Variants in ADNP observed in about 807,000 individuals in gnomAD.
ADNP encodes the protein activity-dependent neuroprotector homeobox protein.
A neutral mutation model predicts 84.9 loss-of-function variants in ADNP; 4 were observed. The observed-to-expected ratio is 0.05, with a 90% CI of 0.02 to 0.11. The LOEUF is 0.11. ADNP is among the 10% of genes least tolerant of loss of function. The pLI is 1.00. For synonymous variants in ADNP, 554 were observed against 468.1 expected, an observed-to-expected ratio of 1.18 and a Z score of -2.37; for missense variants, 1,132 against 1,326.0, an observed-to-expected ratio of 0.85 and a Z score of 2.27.
rs1271017169 is a variant in ADNP, at chr20:50,890,844, G to C, written c.*561C>G. On this transcript the variant is annotated 3_prime_UTR_variant, in exon 6 of 6. Transcript: ENST00000621696. Reference sequence around the variant, plus strand: ...GCTTTTGCTAGGTAAACTAGATAGAGCGTTTATTACACAGCAAGGGCAACA... The same window carrying C: ...GCTTTTGCTAGGTAAACTAGATAGACCGTTTATTACACAGCAAGGGCAACA... The C allele has an allele frequency of 9.2e-6, 8 of 873,544 alleles. No homozygotes were observed. Among genetic ancestry groups the C allele is most frequent in the Non-Finnish European group, 9.6e-6 (7 of 728,016 alleles). 54.1% of individuals were successfully genotyped at this position (873,544 alleles called of 1,614,324 possible). A position where few individuals can be genotyped will look rare whatever the true frequency, so the allele number is the denominator to read the frequency against.
At chr20:50,899,418 C>A (rs1981736008) in intron 5 of ADNP, among the ~76,000 whole-genome samples, 1 of 152,052 alleles carries the variant, frequency 6.6e-6, no homozygotes, top group African/African-American at 2.4e-5. Flanking sequence ...ACCATGTTGG[C>A]CAGGCTGGTC....
At chr20:50,899,934 C>T (rs1012198399) in intron 5 of ADNP, among the ~76,000 whole-genome samples, 3 of 146,720 alleles carry the variant, frequency 2.0e-5, no homozygotes, top group African/African-American at 5.2e-5. Flanking sequence ...ACAAAGCTTC[C>T]GCAGTGTGGA....
chr20:50,903,827 GAC>G, intron 4 of ADNP, 60 bp downstream of exon 4: 2 of 1,299,918 alleles, frequency 1.5e-6, no homozygotes, highest in Non-Finnish European at 2.2e-6. Context: ...CTTGGCCACT[GAC>G]ACAAAGTAAT....
At chr20:50,923,160 A>C (rs987582449) in intron 2 of ADNP, among the ~76,000 whole-genome samples, 2 of 152,216 alleles carry the variant, frequency 1.3e-5, no homozygotes, top group Admixed American at 6.5e-5. Context: ...ATGTATCACA[A>C]CACCACAAGA....
chr20:50,929,717 AT>A (rs57226720), intron 1 of ADNP, among the ~76,000 whole-genome samples: 1,733 of 147,266 alleles, frequency 0.012, 10 homozygotes, highest in South Asian at 0.026. Flanking sequence ...TATCCAAGAG[AT>A]TTTTTTTTTT....
chr20:50,894,865 C>T (rs2122767830), intron 5 of ADNP, among the ~76,000 whole-genome samples: 1 of 152,214 alleles, frequency 6.6e-6, no homozygotes, highest in East Asian at 1.9e-4. Flanking sequence ...CCATTGCACT[C>T]CAGCCTGGGC....
chr20:50,894,140 C>T lies in ADNP; in HGVS notation c.574G>A (p.Val192Met), dbSNP rs1180329919. The change falls in exon 6 of 6, where the codon GTG (valine) becomes ATG (methionine). Residue 192 changes from valine to methionine, a missense_variant. By Grantham distance (21) the Val-to-Met change is conservative (BLOSUM62 1). Transcript: ENST00000621696. ...GCCTTTGCTATGTAAGGTGCTGCCA[C>T]ATGCTGAAAATGTTCCCTGTAAATG... ...KHIYREHFQHVAAPYIAKAGE... is the reference protein window; with the variant it reads ...KHIYREHFQHMAAPYIAKAGE... 2 of 1,614,072 alleles carry T rather than the reference C, an allele frequency of 1.2e-6. No homozygotes were observed. The highest frequency in any genetic ancestry group is 1.7e-6 in the Non-Finnish European group (2 of 1,180,034).
intron 4 of ADNP, 41 bp downstream of exon 4, chr20:50,903,848 A>G (rs1340925291): frequency 1.4e-6 from 2 of 1,462,870 alleles, no homozygotes; most frequent in Non-Finnish European, 1.9e-6. Context: ...ATGGATCAGA[A>G]GCTGAGTCAT....
At chr20:50,902,930 C>T (rs568526689) in intron 4 of ADNP, among the ~76,000 whole-genome samples, 34 of 152,304 alleles carry the variant, frequency 2.2e-4, no homozygotes, top group Non-Finnish European at 4.1e-4. Flanking sequence ...CTTGGAACAA[C>T]GTGACTAGAG....
intron 2 of ADNP, among the ~76,000 whole-genome samples, chr20:50,928,300 T>C (rs1015024656): frequency 2.0e-5 from 3 of 152,352 alleles, no homozygotes; most frequent in African/African-American, 7.2e-5. Flanking sequence ...AACAAGTTCA[T>C]GGAAAACCAT....
At chr20:50,908,557 G>T (rs903922589) in intron 2 of ADNP, among the ~76,000 whole-genome samples, 3 of 151,754 alleles carry the variant, frequency 2.0e-5, no homozygotes, top group African/African-American at 7.3e-5. Context: ...GGCGAGTCAC[G>T]AGGTCAGGAG....
At chr20:50,921,854 G>A (rs1251971788) in intron 2 of ADNP, among the ~76,000 whole-genome samples, 1 of 152,174 alleles carries the variant, frequency 6.6e-6, no homozygotes, top group Non-Finnish European at 1.5e-5. Flanking sequence ...AAAACAGACT[G>A]AGGATACTTT....
At position 50,893,488 on chromosome 20, in the gene ADNP, G is replaced by A. The variant is rs1981026864; in HGVS notation, c.1226C>T (p.Ser409Phe). Reference protein sequence around the residue: ...ASSLSSGQLKSPSLSQSQASR... With the variant: ...ASSLSSGQLKFPSLSQSQASR... Reference sequence around the variant, plus strand: ...TGCCTGTGACTGAGAGAGGGAAGGAGACTTTAACTGGCCCGATGAGAGAGA... The same window carrying A: ...TGCCTGTGACTGAGAGAGGGAAGGAAACTTTAACTGGCCCGATGAGAGAGA... Residue 409 changes from serine to phenylalanine, a missense_variant, in exon 6 of 6, where the codon TCT (serine) becomes TTT (phenylalanine). Coordinates refer to ENST00000621696, the MANE Select transcript of ADNP (RefSeq NM_001282531.3). The surrounding 1 kb of genome is among the most constrained non-coding windows in gnomAD (Gnocchi z 4.4). 4 of 1,613,778 alleles carry A rather than the reference G, an allele frequency of 2.5e-6. No individual in the cohort carries two copies. Among genetic ancestry groups the A allele is most frequent in the East Asian group, 4.5e-5 (2 of 44,892 alleles).
intron 4 of ADNP, among the ~76,000 whole-genome samples, chr20:50,903,412 GACA>G (rs760502804): frequency 1.3e-5 from 2 of 152,178 alleles, no homozygotes; most frequent in Non-Finnish European, 2.9e-5. Context: ...TAAGGAAAGA[GACA>G]ACAAGCACCC....
In ADNP at chr20:50,919,287, A is replaced by ACATATATATATATATATATATAT. The variant is rs776823194; in HGVS notation, c.-90+9363_-90+9364insATATATATATATATATATATATG. On this transcript the variant is annotated intron_variant, in intron 2 of 5. Transcript: ENST00000621696. ...CCAGCCTGAAAAAATACATATATTT[A>ACATATATATATATATATATATAT]AGTGTATATATATATATATATATAT... Among the ~76,000 whole-genome samples, 34 of 128,050 alleles carry ACATATATATATATATATATATAT rather than the reference A, an allele frequency of 2.7e-4. 1 individual carries two copies. The highest frequency in any genetic ancestry group is 1.6e-3 in the East Asian group (7 of 4,458). 84.0% of individuals were successfully genotyped at this position (128,050 alleles called of 152,430 possible).
At chr20:50,924,596 A>C (rs1984166535) in intron 2 of ADNP, among the ~76,000 whole-genome samples, 1 of 152,212 alleles carries the variant, frequency 6.6e-6, no homozygotes, top group Non-Finnish European at 1.5e-5. Flanking sequence ...GAAAATTGGG[A>C]ATAGTTTATA....
At chr20:50,917,137 T>C (rs1983569330) in intron 2 of ADNP, among the ~76,000 whole-genome samples, 1 of 152,210 alleles carries the variant, frequency 6.6e-6, no homozygotes, top group African/African-American at 2.4e-5. Context: ...TCACTACCCA[T>C]GCAGACCAAA....
intron 2 of ADNP, among the ~76,000 whole-genome samples, chr20:50,923,402 T>C (rs1446986764): frequency 6.6e-6 from 1 of 152,244 alleles, no homozygotes; most frequent in Non-Finnish European, 1.5e-5. Context: ...GGATCAAGGC[T>C]TCACCGAAGG....
intron 2 of ADNP, among the ~76,000 whole-genome samples, chr20:50,919,927 G>A (rs1259785045): frequency 2.0e-5 from 3 of 152,236 alleles, no homozygotes; most frequent in Non-Finnish European, 2.9e-5. Flanking sequence ...GGTAGGCACC[G>A]AGGAGATGCT....
Sources: gnomAD v4.1 joint callset for allele counts (sites outside exome capture counted in the v4.1 genomes callset) on GRCh38, gnomAD v4.1.1 for gene constraint, Gnocchi (gnomAD v3.1) non-coding constraint, MANE v1.5 for transcripts, NCBI Gene and HGNC (gene_info 2026-07-23, HGNC 2026-07-21) for gene names.